The following SH3KBP1 variants were observed in gnomAD, a reference collection of about 807,000 sequenced individuals.
SH3KBP1 encodes the protein SH3 domain containing kinase binding protein 1.
A neutral mutation model predicts 50.1 loss-of-function variants in SH3KBP1; 8 were observed. That is an observed-to-expected ratio of 0.16 (90% CI 0.09 to 0.29). The LOEUF is 0.29. Among genes scored for constraint, SH3KBP1 ranks in the 10% least tolerant of loss-of-function variants. The pLI is 1.00. For synonymous variants in SH3KBP1, 227 were observed against 218.6 expected, an observed-to-expected ratio of 1.04 and a Z score of -0.34; for missense variants, 377 against 535.2, an observed-to-expected ratio of 0.70 and a Z score of 2.92.
intron 12 of SH3KBP1, among the ~76,000 whole-genome samples, chrX:19,572,744 C>T (rs539945840): frequency 3.6e-5 from 4 of 111,101 alleles, no homozygotes; most frequent in African/African-American, 9.8e-5. Flanking sequence ...AATAGGAAAA[C>T]ACTTGAATAA....
chrX:19,658,969 T>C (rs974531364), intron 6 of SH3KBP1, among the ~76,000 whole-genome samples: 1 of 109,893 alleles, frequency 9.1e-6, no homozygotes, highest in Non-Finnish European at 1.9e-5. Flanking sequence ...ACTTTTTTTT[T>C]TTAGGAGACA....
At position 19,887,544 on chromosome X, in the gene SH3KBP1, C is replaced by T; in HGVS notation, c.-234G>A. ...GCGACTCCTGCTGCTGCTGTTGCAT[C>T]GCGGCCCAATGCGCCCGGCTGCGCC... On this transcript the variant is annotated 5_prime_UTR_variant, in exon 1 of 18. Transcript: ENST00000397821. The T allele has an allele frequency of 5.7e-6, 1 of 176,355 alleles. No individual in the cohort carries two copies. Among genetic ancestry groups the T allele is most frequent in the Non-Finnish European group, 1.0e-5 (1 of 99,986 alleles). The allele number at this position is 176,355 out of a possible 1,213,427, so 14.5% of individuals were successfully genotyped here.
chrX:19,782,690 T>G (rs16981279), intron 2 of SH3KBP1, among the ~76,000 whole-genome samples: 20,414 of 111,572 alleles, frequency 0.18, 1,612 homozygotes, highest in African/African-American at 0.29. Flanking sequence ...ACAGCTGCTC[T>G]GTCACCGCTC....
At position 19,772,753 on chromosome X, in the gene SH3KBP1, C is replaced by T. The variant is rs375599018; in HGVS notation, c.163-26312G>A. ...TGGGTGGTTTGTCAGGGAAAAGGGTCGGGAGGAGGATGTAAACCACAAATT... is the reference window on the plus strand; with the variant it reads ...TGGGTGGTTTGTCAGGGAAAAGGGTTGGGAGGAGGATGTAAACCACAAATT... On this transcript the variant is annotated intron_variant, in intron 2 of 17. Transcript: ENST00000397821. 2.7e-5 allele frequency among the ~76,000 whole-genome samples: 3 copies of T among 111,222 alleles called. No individual in the cohort carries two copies. The South Asian group carries it at 1.1e-3, about 43-fold the overall frequency.
At chrX:19,831,798 A>AAAAAAAAAAAAAG (rs1385724267) in intron 2 of SH3KBP1, among the ~76,000 whole-genome samples, 1,555 of 105,813 alleles carry the variant, frequency 0.015, 84 homozygotes, top group African/African-American at 0.052. Context: ...TCCCAAAAAA[A>AAAAAAAAAAAAAG]AAAAAAGAAA....
chrX:19,585,690 CCAGCAG>C (rs760758680), intron 12 of SH3KBP1, among the ~76,000 whole-genome samples: 15 of 108,746 alleles, frequency 1.4e-4, no homozygotes, highest in Admixed American at 3.9e-4. Context: ...ACCACCACTA[CCAGCAG>C]CAGCAGCAGC....
intron 1 of SH3KBP1, among the ~76,000 whole-genome samples, chrX:19,854,341 T>A (rs1250060806): frequency 9.0e-6 from 1 of 110,967 alleles, no homozygotes; most frequent in East Asian, 2.9e-4. Flanking sequence ...AGTCTCAAAC[T>A]CCTGACCTCC....
At chrX:19,729,744 A>AGAGGAAGAAAGGAACAGAGGAAAG (rs2064318361) in intron 3 of SH3KBP1, among the ~76,000 whole-genome samples, 1 of 111,408 alleles carries the variant, frequency 9.0e-6, no homozygotes, top group Admixed American at 9.6e-5. Context: ...AGAGAGAGTC[A>AGAGGAAGAAAGGAACAGAGGAAAG]GAGGAAGAAA....
In SH3KBP1 at chrX:19,632,372, T is replaced by C. The variant is rs1404067028; in HGVS notation, c.803-414A>G. ...TGCCTTTTCCCACACATTACTAAAT[T>C]AGAAACAAGGTATTTATACATGTTA... On this transcript the variant is annotated intron_variant, in intron 7 of 17. Transcript: ENST00000397821. 2.7e-5 allele frequency among the ~76,000 whole-genome samples: 3 copies of C among 112,463 alleles called. No homozygotes were observed. The East Asian group carries it at 8.3e-4, about 31-fold the overall frequency.
At chrX:19,798,170 G>A (rs1285130538) in intron 2 of SH3KBP1, among the ~76,000 whole-genome samples, 1 of 110,399 alleles carries the variant, frequency 9.1e-6, no homozygotes. Flanking sequence ...CTGCAGCCTC[G>A]ACCTCCCAGG....
At chrX:19,581,117 A>G (rs773422580) in intron 12 of SH3KBP1, among the ~76,000 whole-genome samples, 1 of 110,872 alleles carries the variant, frequency 9.0e-6, no homozygotes, top group East Asian at 2.8e-4. Context: ...ATGCATGGCT[A>G]ATTTTAAAAC....
chrX:19,760,031 TCTCTCTCTCC>T (rs1276347949), intron 2 of SH3KBP1, among the ~76,000 whole-genome samples: 805 of 68,906 alleles, frequency 0.012, 25 homozygotes, highest in African/African-American at 0.054. Flanking sequence ...CTCCTCTCTC[TCTCTCTCTCC>T]CTCTCTCTCT....
intron 12 of SH3KBP1, among the ~76,000 whole-genome samples, chrX:19,572,899 C>T (rs147130462): frequency 0.015 from 1,670 of 111,553 alleles, 32 homozygotes; most frequent in African/African-American, 0.051. Context: ...CATATACCCA[C>T]GTGCCCTCCT....
At chrX:19,544,325 G>C (rs1219738653) in intron 15 of SH3KBP1, among the ~76,000 whole-genome samples, 1 of 110,879 alleles carries the variant, frequency 9.0e-6, no homozygotes, top group Non-Finnish European at 1.9e-5. Flanking sequence ...CCGGACACCG[G>C]CTAGACAATT....
intron 9 of SH3KBP1, among the ~76,000 whole-genome samples, chrX:19,595,750 T>C (rs1199793585): frequency 1.8e-5 from 2 of 111,161 alleles, no homozygotes; most frequent in Non-Finnish European, 3.8e-5. Context: ...GGGAGAGAGA[T>C]GATCAGGCTG....
intron 6 of SH3KBP1, among the ~76,000 whole-genome samples, chrX:19,657,946 A>T (rs1291066660): frequency 9.1e-6 from 1 of 109,710 alleles, no homozygotes; most frequent in Non-Finnish European, 1.9e-5. Context: ...ATGGGTATAG[A>T]GTTTCAATTT....
chrX:19,644,234 G>C (rs929356106), intron 7 of SH3KBP1, among the ~76,000 whole-genome samples: 3 of 111,788 alleles, frequency 2.7e-5, no homozygotes, highest in Admixed American at 9.4e-5. Flanking sequence ...TGGGGGCTGG[G>C]GGGTAGGAGG....
intron 12 of SH3KBP1, among the ~76,000 whole-genome samples, chrX:19,575,268 A>G (rs1342291459): frequency 8.9e-6 from 1 of 112,273 alleles, no homozygotes; most frequent in Non-Finnish European, 1.9e-5. Context: ...AAAAACTATT[A>G]TGCTCCAAAG....
chrX:19,887,519 G>A lies in SH3KBP1; in HGVS notation c.-209C>T, dbSNP rs1438318040. ...CTGCTGCTGCCGCTGCTGCCCCGGGGCGACTCCTGCTGCTGCTGTTGCATC... is the reference window on the plus strand; with the variant it reads ...CTGCTGCTGCCGCTGCTGCCCCGGGACGACTCCTGCTGCTGCTGTTGCATC... On this transcript the variant is annotated 5_prime_UTR_variant, in exon 1 of 18. Transcript: ENST00000397821. 2 of 269,446 alleles carry A rather than the reference G, an allele frequency of 7.4e-6. No individual in the cohort carries two copies. The highest frequency in any genetic ancestry group is 6.2e-5 in the African/African-American group (2 of 32,310). The allele number at this position is 269,446 out of a possible 1,213,427, so 22.2% of individuals were successfully genotyped here.
Sources: gnomAD v4.1 joint callset for allele counts (sites outside exome capture counted in the v4.1 genomes callset) on GRCh38, gnomAD v4.1.1 for gene constraint, MANE v1.5 for transcripts, NCBI Gene and HGNC (gene_info 2026-07-23, HGNC 2026-07-21) for gene names.